BCAS1: variants seen among roughly 807,000 people sequenced by gnomAD.
BCAS1 encodes the protein breast carcinoma-amplified sequence 1.
In BCAS1, 46 loss-of-function variants were observed where a neutral mutation model predicts 65.4. The observed-to-expected ratio is 0.70, with a 90% CI of 0.55 to 0.90. BCAS1 has a LOEUF of 0.90. Among genes scored for constraint, BCAS1 ranks in the 40% least tolerant of loss-of-function variants. BCAS1 has a pLI of 0.00. For missense variants in BCAS1, 793 were observed against 771.2 expected (o/e 1.03, Z -0.33); for synonymous variants, 298 against 293.5 (o/e 1.02, Z -0.16).
intron 8 of BCAS1, among the ~76,000 whole-genome samples, chr20:53,983,001 A>G (rs1399101569): frequency 6.6e-6 from 1 of 152,198 alleles, no homozygotes; most frequent in Non-Finnish European, 1.5e-5. Flanking sequence ...CATATTTTTA[A>G]TGATATACTA....
chr20:54,057,865 A>T (rs2092319078), intron 3 of BCAS1, among the ~76,000 whole-genome samples: 1 of 152,260 alleles, frequency 6.6e-6, no homozygotes, highest in South Asian at 2.1e-4. Flanking sequence ...AATTCTGCTG[A>T]CAACTTTATT....
intron 9 of BCAS1, among the ~76,000 whole-genome samples, chr20:53,973,502 C>G (rs2090237911): frequency 6.6e-6 from 1 of 152,132 alleles, no homozygotes. Context: ...TGTTAGAGAT[C>G]AACTCTGCAT....
chr20:54,054,693 G>A (rs2092269842), intron 3 of BCAS1, among the ~76,000 whole-genome samples: 1 of 152,240 alleles, frequency 6.6e-6, no homozygotes, highest in Non-Finnish European at 1.5e-5. Flanking sequence ...GATGTTGACA[G>A]CAAGACTGCC....
intron 4 of BCAS1, among the ~76,000 whole-genome samples, chr20:54,010,432 T>C (rs997154417): frequency 1.9e-4 from 29 of 152,308 alleles, no homozygotes; most frequent in Middle Eastern, 3.4e-3. Context: ...AAAAATGATC[T>C]AGATTTCTAT....
intron 8 of BCAS1, among the ~76,000 whole-genome samples, chr20:53,980,842 G>A (rs925716536): frequency 6.6e-6 from 1 of 152,184 alleles, no homozygotes; most frequent in Non-Finnish European, 1.5e-5. Context: ...ATAACAGGAA[G>A]CCTGGAGCTA....
chr20:54,008,616 G>A (rs527366203), intron 4 of BCAS1, among the ~76,000 whole-genome samples: 6 of 152,232 alleles, frequency 3.9e-5, no homozygotes, highest in South Asian at 2.1e-4. Context: ...AATGGTGTCC[G>A]GGACAGCCAG....
intron 3 of BCAS1, among the ~76,000 whole-genome samples, chr20:54,036,411 C>T (rs1047640812): frequency 2.6e-5 from 4 of 151,158 alleles, no homozygotes; most frequent in African/African-American, 9.7e-5. Flanking sequence ...ATATTTTGTG[C>T]TGCATGTTTT....
chr20:54,018,546 C>T (rs979396044), intron 4 of BCAS1, among the ~76,000 whole-genome samples: 5 of 152,102 alleles, frequency 3.3e-5, no homozygotes, highest in African/African-American at 1.2e-4. Flanking sequence ...TTGTGTTAGC[C>T]AGGATGGTCT....
chr20:54,043,652 G>A (rs1436535172), intron 3 of BCAS1, among the ~76,000 whole-genome samples: 4 of 152,148 alleles, frequency 2.6e-5, no homozygotes, highest in African/African-American at 9.7e-5. Context: ...CCTCAGACTT[G>A]AGCTAGTGCA....
chr20:53,971,206 G>C (rs936514987), intron 9 of BCAS1, among the ~76,000 whole-genome samples: 13 of 152,324 alleles, frequency 8.5e-5, no homozygotes, highest in Admixed American at 2.0e-4. Context: ...TGGAACATGG[G>C]TAGAAATGAC....
At chr20:53,950,294 G>A (rs986299376) in intron 12 of BCAS1, among the ~76,000 whole-genome samples, 8 of 151,352 alleles carry the variant, frequency 5.3e-5, no homozygotes, top group African/African-American at 1.7e-4. Flanking sequence ...TCCCACCCCC[G>A]TGCCTTTGCC....
chr20:53,994,057 T>C (rs2090836678), intron 6 of BCAS1, among the ~76,000 whole-genome samples: 1 of 152,206 alleles, frequency 6.6e-6, no homozygotes, highest in South Asian at 2.1e-4. Flanking sequence ...ATTGTACCAC[T>C]ATCAAGTAGC....
chr20:53,996,592 C>A (rs1167634729), intron 4 of BCAS1, among the ~76,000 whole-genome samples: 1 of 152,076 alleles, frequency 6.6e-6, no homozygotes, highest in Admixed American at 6.6e-5. Context: ...TCTCCCCGAC[C>A]TCCTCAGGAG....
intron 3 of BCAS1, among the ~76,000 whole-genome samples, chr20:54,036,425 A>T (rs1351126104): frequency 6.6e-6 from 1 of 151,414 alleles, no homozygotes; most frequent in African/African-American, 2.4e-5. Context: ...ATGTTTTTTT[A>T]AAGAAAGTCA....
At chr20:53,992,049 T>C (rs933034487) in intron 7 of BCAS1, among the ~76,000 whole-genome samples, 5 of 152,224 alleles carry the variant, frequency 3.3e-5, no homozygotes, top group African/African-American at 1.2e-4. Context: ...TTAATACAAA[T>C]GAGGTAGCTA....
At chr20:53,985,077 TC>T (rs2090577427) in intron 8 of BCAS1, among the ~76,000 whole-genome samples, 1 of 152,164 alleles carries the variant, frequency 6.6e-6, no homozygotes, top group South Asian at 2.1e-4. Flanking sequence ...TTCCTTTTCT[TC>T]CCCACGAAAC....
At chr20:54,032,517 G>A (rs889596963) in intron 3 of BCAS1, among the ~76,000 whole-genome samples, 4 of 151,290 alleles carry the variant, frequency 2.6e-5, no homozygotes, top group African/African-American at 9.7e-5. Context: ...CCCATTAAAA[G>A]ACATAAAGTG....
chr20:53,946,703 A>G (rs1272777501), intron 12 of BCAS1, among the ~76,000 whole-genome samples: 1 of 150,208 alleles, frequency 6.7e-6, no homozygotes, highest in Non-Finnish European at 1.5e-5. Context: ...ATAGCACAGT[A>G]TAGTTTAGTC....
chr20:54,059,485 T>C, intron 1 of BCAS1, among the ~76,000 whole-genome samples: 1 of 136,022 alleles, frequency 7.4e-6, no homozygotes, highest in South Asian at 2.5e-4. Flanking sequence ...CCTTTTACAC[T>C]ACGGCCTTTT....
Sources: gnomAD v4.1 joint callset for allele counts (sites outside exome capture counted in the v4.1 genomes callset) on GRCh38, gnomAD v4.1.1 for gene constraint, MANE v1.5 for transcripts, NCBI Gene and HGNC (gene_info 2026-07-23, HGNC 2026-07-21) for gene names.